PAM: variants seen among roughly 807,000 people sequenced by gnomAD.
The protein encoded by PAM is peptidylglycine alpha-amidating monooxygenase, also known as peptidyl-glycine alpha-amidating monooxygenase.
In PAM, 72 loss-of-function variants were observed where a neutral mutation model predicts 122.1. That is an observed-to-expected ratio of 0.59 (90% confidence interval 0.49 to 0.72). PAM has a LOEUF of 0.72. Among genes scored for constraint, PAM ranks in the 30% least tolerant of loss-of-function variants. The pLI, the probability that PAM is intolerant of heterozygous loss-of-function variation, is 0.00. For synonymous variants in PAM, 389 were observed against 404.4 expected, an observed-to-expected ratio of 0.96 and a Z score of 0.46; for missense variants, 1,106 against 1,183.7, an observed-to-expected ratio of 0.93 and a Z score of 0.96.
chr5:103,006,507 G>A (rs1779019774), intron 18 of PAM, among the ~76,000 whole-genome samples: 1 of 152,128 alleles, frequency 6.6e-6, no homozygotes, highest in South Asian at 2.1e-4. Flanking sequence ...AGACAAAAAG[G>A]AAACATCAGG....
chr5:102,844,675 T>C (rs746824678), intron 1 of PAM, among the ~76,000 whole-genome samples: 4 of 150,644 alleles, frequency 2.7e-5, no homozygotes, highest in Non-Finnish European at 5.9e-5. Flanking sequence ...TCTCTTAAAA[T>C]ATAATAATAA....
chr5:102,825,304 C>T lies in PAM; in HGVS notation c.-373-40519C>T, dbSNP rs1451158986. ...TTCTGTAATACCTTTACTTCAACAT[C>T]GCTGGCTTTCAATCTAAAACTAAAA... is the stretch of plus-strand genomic sequence containing the variant. On this transcript the variant is annotated intron_variant, in intron 1 of 25. Coordinates refer to ENST00000438793, the MANE Select transcript of PAM (RefSeq NM_001177306.2). Among the ~76,000 whole-genome samples, 6 of 152,128 alleles carry T rather than the reference C, an allele frequency of 3.9e-5. No individual in the cohort carries two copies. In the South Asian group the frequency reaches 6.2e-4, roughly 16 times the overall value.
chr5:102,851,455 T>C (rs943020625), intron 1 of PAM, among the ~76,000 whole-genome samples: 25 of 152,136 alleles, frequency 1.6e-4, no homozygotes, highest in Non-Finnish European at 4.4e-5. Context: ...GATTTAAATA[T>C]AAAAATGAAA....
chr5:102,814,148 G>A (rs1003860678), intron 1 of PAM, among the ~76,000 whole-genome samples: 1 of 152,150 alleles, frequency 6.6e-6, no homozygotes, highest in African/African-American at 2.4e-5. Flanking sequence ...AGACCATCAG[G>A]TCCCCTTTAG....
At chr5:102,785,906 A>T (rs17154738) in intron 1 of PAM, among the ~76,000 whole-genome samples, 1 of 149,104 alleles carries the variant, frequency 6.7e-6, no homozygotes, top group African/African-American at 2.6e-5. Context: ...GTACTAAATT[A>T]TTTTTTTAAC....
rs1785974277 is a variant in PAM at position 103,029,693 on chromosome 5, T to C, written c.*628T>C. 6.7e-6 allele frequency: 1 copy of C among 149,138 alleles called. No homozygotes were observed. The highest frequency in any genetic ancestry group is 2.2e-4 in the South Asian group (1 of 4,546). The allele number at this position is 149,138 out of a possible 1,614,324, so 9.2% of individuals were successfully genotyped here. A position where few individuals can be genotyped will look rare whatever the true frequency, so the allele number is the denominator to read the frequency against. On this transcript the variant is annotated 3_prime_UTR_variant, in exon 26 of 26. Transcript: ENST00000438793. ...TTTCAGAATCTGAATGTAATTTGTG[T>C]AATAAAGTGTTTTCAGAGCATTAGC... is the stretch of plus-strand genomic sequence containing the variant.
chr5:103,017,248 G>T (rs1334109157), intron 21 of PAM, 86 bp from the exon 22 acceptor site: 3 of 866,508 alleles, frequency 3.5e-6, no homozygotes, highest in Non-Finnish European at 5.8e-6. Context: ...TTGTTTTGTT[G>T]TGGGCTTTGC....
chr5:102,974,332 A>T lies in PAM; in HGVS notation c.1379A>T (p.Lys460Ile). The T allele has an allele frequency of 3.1e-6, 5 of 1,613,958 alleles. No homozygotes were observed. Among genetic ancestry groups the T allele is most frequent in the Non-Finnish European group, 4.2e-6 (5 of 1,179,832 alleles). ...ATTCTTGTCAGAGACAGAATTCACA[A>T]ATTCCACAGACTAGTATCTACCTTG... ...NAILVRDRIHKFHRLVSTLRP... is the reference protein window; with the variant it reads ...NAILVRDRIHIFHRLVSTLRP... Residue 460 changes from lysine (K) to isoleucine (I), a missense_variant, in exon 15 of 26, where the codon AAA (lysine) becomes ATA (isoleucine). This residue lies in a region of PAM where 670 missense variants were observed against 690.3 expected (regional missense o/e 0.97). Coordinates refer to ENST00000438793, the MANE Select transcript of PAM (RefSeq NM_001177306.2).
At chr5:102,790,564 A>G (rs944835099) in intron 1 of PAM, among the ~76,000 whole-genome samples, 13 of 152,082 alleles carry the variant, frequency 8.5e-5, no homozygotes, top group African/African-American at 3.1e-4. Context: ...GTATTAGGTT[A>G]GATAGAGCTT....
At chr5:102,990,136 A>G (rs1168321644) in intron 15 of PAM, 136 bp from the exon 16 acceptor site, 4 of 542,082 alleles carry the variant, frequency 7.4e-6, no homozygotes, top group Non-Finnish European at 9.1e-6. Flanking sequence ...ATTTATGTAG[A>G]GCACGGCTTG....
At chr5:102,988,664 A>G (rs1582607698) in intron 15 of PAM, among the ~76,000 whole-genome samples, 1 of 147,142 alleles carries the variant, frequency 6.8e-6, no homozygotes, top group South Asian at 2.1e-4. Flanking sequence ...AAGGGGAGGA[A>G]AGGAAAGGAA....
intron 3 of PAM, among the ~76,000 whole-genome samples, chr5:102,887,967 T>A (rs938950877): frequency 1.3e-5 from 2 of 152,012 alleles, no homozygotes; most frequent in East Asian, 3.9e-4. Flanking sequence ...TTTAGAGTGC[T>A]ATGGTAGCTC....
intron 5 of PAM, among the ~76,000 whole-genome samples, chr5:102,915,815 G>T (rs1045042972): frequency 1.3e-5 from 2 of 152,036 alleles, no homozygotes; most frequent in South Asian, 2.1e-4. Context: ...TCTAAAATGA[G>T]CCAAGCTCAT....
chr5:102,894,757 C>A (rs1171301771), intron 3 of PAM, among the ~76,000 whole-genome samples: 1 of 151,668 alleles, frequency 6.6e-6, no homozygotes, highest in Non-Finnish European at 1.5e-5. Flanking sequence ...AATTATATCA[C>A]CAATACATTC....
chr5:102,869,877 C>T (rs530702790), intron 3 of PAM, among the ~76,000 whole-genome samples: 16 of 149,490 alleles, frequency 1.1e-4, no homozygotes, highest in African/African-American at 1.7e-4. Context: ...ATAATGAAAA[C>T]GTATTAGAGG....
At chr5:102,951,802 T>C (rs1012295323) in intron 12 of PAM, among the ~76,000 whole-genome samples, 1 of 152,142 alleles carries the variant, frequency 6.6e-6, no homozygotes, top group African/African-American at 2.4e-5. Context: ...CCTTTATCAA[T>C]TTCTGTTACA....
chr5:102,760,437 A>G (rs1025018613), intron 1 of PAM, among the ~76,000 whole-genome samples: 4 of 152,144 alleles, frequency 2.6e-5, no homozygotes, highest in Non-Finnish European at 5.9e-5. Context: ...GTAGGATAAA[A>G]ATCTCAGACC....
chr5:102,950,416 G>GTGTGTGTGTGTGT lies in PAM; in HGVS notation c.802-301_802-300insTGTGTGTGTGTGT, dbSNP rs1758418594. Among the ~76,000 whole-genome samples, 571 of 146,052 alleles carry GTGTGTGTGTGTGT rather than the reference G, an allele frequency of 3.9e-3. 5 individuals are homozygous for GTGTGTGTGTGTGT. The highest frequency in any genetic ancestry group is 0.014 in the African/African-American group (528 of 39,006). ...CAGTGATTATTTGTGTATGTGGGTGGGTGTGTGTGTGTGTGTGTGTGTGTC... is the reference window on the plus strand; with the variant it reads ...CAGTGATTATTTGTGTATGTGGGTGGTGTGTGTGTGTGTGTGTGTGTGTGTGTGTGTGTGTGTC... On this transcript the variant is annotated intron_variant, in intron 11 of 25. Transcript: ENST00000438793.
chr5:102,966,534 G>A (rs1256886166), intron 14 of PAM, among the ~76,000 whole-genome samples: 3 of 152,080 alleles, frequency 2.0e-5, no homozygotes. Flanking sequence ...ATGGTCATGT[G>A]TTTTATTTCT....
Sources: gnomAD v4.1 joint callset for allele counts (sites outside exome capture counted in the v4.1 genomes callset) on GRCh38, gnomAD v4.1.1 for gene constraint, gnomAD v4.1.1 regional missense constraint, MANE v1.5 for transcripts, NCBI Gene and HGNC (gene_info 2026-07-23, HGNC 2026-07-21) for gene names.